The following CTNND2 variants were observed in gnomAD, a reference collection of about 807,000 sequenced individuals.
CTNND2 encodes catenin delta 2, also known as catenin delta-2.
A neutral mutation model predicts 144.4 loss-of-function variants in CTNND2; 22 were observed. The ratio of observed to expected loss-of-function variants is 0.15; its 90% CI spans 0.11 to 0.22. The LOEUF is 0.22. CTNND2 is among the 10% of genes least tolerant of loss of function. The pLI is 1.00. For missense variants in CTNND2, 1,353 were observed against 1,618.8 expected, an observed-to-expected ratio of 0.84 and a Z score of 2.82; for synonymous variants, 751 against 695.6, an observed-to-expected ratio of 1.08 and a Z score of -1.25.
intron 7 of CTNND2, among the ~76,000 whole-genome samples, chr5:11,382,231 G>C (rs1758558606): frequency 6.6e-6 from 1 of 152,092 alleles, no homozygotes; most frequent in Non-Finnish European, 1.5e-5. Flanking sequence ...TTTGAAACAA[G>C]GCCAAGGATT....
At chr5:11,872,663 G>A (rs2127053512) in intron 1 of CTNND2, among the ~76,000 whole-genome samples, 1 of 136,230 alleles carries the variant, frequency 7.3e-6, no homozygotes, top group Non-Finnish European at 1.7e-5. Flanking sequence ...CATGTTTGTT[G>A]GCTGCATAAA....
chr5:11,837,337 T>C (rs911658094), intron 1 of CTNND2, among the ~76,000 whole-genome samples: 6 of 152,232 alleles, frequency 3.9e-5, no homozygotes, highest in African/African-American at 1.4e-4. Context: ...TGGAAGTATA[T>C]GAAGTCTATC....
At chr5:11,397,347 C>G in intron 5 of CTNND2, 144 bp from the exon 6 acceptor site, 1 of 633,316 alleles carries the variant, frequency 1.6e-6, no homozygotes, top group Non-Finnish European at 2.5e-6. Flanking sequence ...CTAAAATGAC[C>G]ATATAATTTG....
chr5:11,466,450 A>G (rs1766687079), intron 3 of CTNND2, among the ~76,000 whole-genome samples: 1 of 152,200 alleles, frequency 6.6e-6, no homozygotes, highest in Non-Finnish European at 1.5e-5. Flanking sequence ...AAAATGAAAA[A>G]TATACTAGTG....
intron 2 of CTNND2, among the ~76,000 whole-genome samples, chr5:11,663,425 G>T (rs1483914966): frequency 6.6e-6 from 1 of 152,026 alleles, no homozygotes; most frequent in Non-Finnish European, 1.5e-5. Context: ...TAACTATTAA[G>T]GTGCTTAATG....
chr5:11,785,994 C>G (rs2126858106), intron 1 of CTNND2, among the ~76,000 whole-genome samples: 1 of 151,980 alleles, frequency 6.6e-6, no homozygotes, highest in East Asian at 1.9e-4. Flanking sequence ...CGCTGTCACT[C>G]TCACCAACTG....
intron 1 of CTNND2, among the ~76,000 whole-genome samples, chr5:11,770,413 A>AAGG (rs1430161888): frequency 0.11 from 994 of 9,382 alleles, 36 homozygotes; most frequent in Admixed American, 0.16. Context: ...GAAAAAAAGG[A>AAGG]AAGAAGGAAG....
chr5:11,442,188 T>C (rs1490604933), intron 3 of CTNND2, among the ~76,000 whole-genome samples: 1 of 152,216 alleles, frequency 6.6e-6, no homozygotes, highest in Non-Finnish European at 1.5e-5. Flanking sequence ...TCTGTTAACA[T>C]ATATTTATTT....
At chr5:10,990,494 C>A (rs1048594540) in intron 19 of CTNND2, among the ~76,000 whole-genome samples, 1 of 152,194 alleles carries the variant, frequency 6.6e-6, no homozygotes, top group Non-Finnish European at 1.5e-5. Context: ...CCAGGAAAGT[C>A]TCTCTTCCTG....
chr5:11,082,407 T>C (rs1749666934), intron 16 of CTNND2, among the ~76,000 whole-genome samples: 2 of 152,226 alleles, frequency 1.3e-5, no homozygotes, highest in South Asian at 2.1e-4. Flanking sequence ...ACAAACAGCC[T>C]GTCAGAGATT....
intron 16 of CTNND2, among the ~76,000 whole-genome samples, chr5:11,055,036 C>T (rs1283723731): frequency 6.6e-6 from 1 of 152,212 alleles, no homozygotes; most frequent in Non-Finnish European, 1.5e-5. Flanking sequence ...CATTTTCCAC[C>T]TGGCATAGGA....
chr5:11,515,046 G>A (rs1396211166), intron 3 of CTNND2, among the ~76,000 whole-genome samples: 1 of 146,120 alleles, frequency 6.8e-6, no homozygotes, highest in Non-Finnish European at 1.5e-5. Context: ...ACTTGAAATG[G>A]AATCAATCAA....
chr5:11,390,476 T>C lies in CTNND2; in HGVS notation c.613-5247A>G, dbSNP rs140175356. On this transcript the variant is annotated intron_variant, in intron 6 of 21. Coordinates refer to ENST00000304623, the MANE Select transcript of CTNND2 (RefSeq NM_001332.4). ...ACAAAACAAATCCCCCCAATGCTTA[T>C]ATCCAGTTAACAAGAGACCTGACAG... Among the ~76,000 whole-genome samples, 424 of 152,340 alleles carry C rather than the reference T, an allele frequency of 2.8e-3. 2 individuals carry two copies. The highest frequency in any genetic ancestry group is 9.7e-3 in the African/African-American group (402 of 41,582).
intron 3 of CTNND2, among the ~76,000 whole-genome samples, chr5:11,418,623 G>A (rs1007000883): frequency 6.6e-6 from 1 of 152,084 alleles, no homozygotes. Flanking sequence ...TTTTAAGAAG[G>A]GACGAGATGA....
At chr5:11,890,003 T>C (rs1560973490) in intron 1 of CTNND2, among the ~76,000 whole-genome samples, 1 of 152,204 alleles carries the variant, frequency 6.6e-6, no homozygotes, top group African/African-American at 2.4e-5. Context: ...AAAATATAAA[T>C]TCACTTTGAG....
chr5:11,303,931 G>T (rs922024844), intron 9 of CTNND2, among the ~76,000 whole-genome samples: 1 of 152,136 alleles, frequency 6.6e-6, no homozygotes, highest in East Asian at 1.9e-4. Flanking sequence ...CTGTTCTCAT[G>T]ATAGTGAATA....
intron 1 of CTNND2, among the ~76,000 whole-genome samples, chr5:11,782,209 T>G (rs975793046): frequency 1.3e-5 from 2 of 152,212 alleles, no homozygotes; most frequent in African/African-American, 4.8e-5. Context: ...GTGAGTCCTC[T>G]TTTTCTTTAT....
At position 11,487,632 on chromosome 5, in the gene CTNND2, T is replaced by C. The variant is rs147032423; in HGVS notation, c.288-75563A>G. 2.0e-3 allele frequency among the ~76,000 whole-genome samples: 297 copies of C among 152,272 alleles called. 1 individual carries two copies. Among genetic ancestry groups the C allele is most frequent in the African/African-American group, 6.8e-3 (283 of 41,554 alleles). ...TGTGAGTCTTTAAATGCAGACACCA[T>C]TAAAAATTAAATTATATATGCTTAT... On this transcript the variant is annotated intron_variant, in intron 3 of 21. Coordinates refer to ENST00000304623, the MANE Select transcript of CTNND2 (RefSeq NM_001332.4).
At chr5:11,876,249 G>A (rs997739719) in intron 1 of CTNND2, among the ~76,000 whole-genome samples, 5 of 151,148 alleles carry the variant, frequency 3.3e-5, no homozygotes, top group African/African-American at 9.7e-5. Context: ...GGGAGGAGGT[G>A]GGAGGCAGGA....
Sources: gnomAD v4.1 joint callset for allele counts (sites outside exome capture counted in the v4.1 genomes callset) on GRCh38, gnomAD v4.1.1 for gene constraint, MANE v1.5 for transcripts, NCBI Gene and HGNC (gene_info 2026-07-23, HGNC 2026-07-21) for gene names.